DUSP29: variants seen among roughly 807,000 people sequenced by gnomAD.
DUSP29 encodes the protein atypical dual-specific protein phosphatase.
In DUSP29, 12 loss-of-function variants were observed where a neutral mutation model predicts 13.5. The ratio of observed to expected loss-of-function variants is 0.89; its 90% CI spans 0.57 to 1.44. The LOEUF is 1.44. Among genes scored for constraint, DUSP29 ranks in the 40% most tolerant of loss-of-function variants. DUSP29 has a pLI of 0.00. For synonymous variants in DUSP29, 134 were observed against 128.7 expected (o/e 1.04, Z -0.28); for missense variants, 308 against 301.1 (o/e 1.02, Z -0.17).
chr10:75,043,168 A>T (rs1846620689), intron 3 of DUSP29, among the ~76,000 whole-genome samples: 1 of 152,246 alleles, frequency 6.6e-6, no homozygotes, highest in Non-Finnish European at 1.5e-5. Flanking sequence ...AGTAAAGCCC[A>T]GCTTGTCAGC....
intron 1 of DUSP29, among the ~76,000 whole-genome samples, chr10:75,066,787 G>A (rs1348011331): frequency 6.6e-6 from 1 of 152,056 alleles, no homozygotes; most frequent in African/African-American, 2.4e-5. Context: ...TCAAGTGGGA[G>A]CCCCCCGAAG....
At chr10:75,054,367 T>C (rs138778640) in intron 2 of DUSP29, among the ~76,000 whole-genome samples, 112 of 152,348 alleles carry the variant, frequency 7.4e-4, no homozygotes, top group African/African-American at 2.6e-3. Flanking sequence ...ATAACTGATA[T>C]GCCCAACAAT....
chr10:75,038,029 A>G lies in DUSP29; in HGVS notation c.470T>C (p.Leu157Pro). The G allele has an allele frequency of 6.2e-7, 1 of 1,613,932 alleles. No homozygotes were observed. The highest frequency in any genetic ancestry group is 8.5e-7 in the Non-Finnish European group (1 of 1,180,014). ...CVMGRSRSAT[L>P]VLAYLMIHKD... The stretch of plus-strand genomic sequence containing the variant: ...GTGGATCATCAGGTAGGCCAGGACC[A>G]GGGTGGCTGACCGGCTGCGGCCCAT... The change falls in exon 4 of 4, where the codon CTG becomes CCG. Residue 157 changes from leucine to proline, a missense_variant. Physicochemically the swap from Leu to Pro is moderately conservative, Grantham distance 98. Transcript: ENST00000338487.
chr10:75,055,152 A>G (rs1272725242), intron 2 of DUSP29, among the ~76,000 whole-genome samples: 2 of 152,110 alleles, frequency 1.3e-5, no homozygotes, highest in Non-Finnish European at 2.9e-5. Context: ...TATTACTTTC[A>G]TTATAGGAAA....
chr10:75,071,876 A>G (rs1388213379), intron 1 of DUSP29, among the ~76,000 whole-genome samples: 1 of 152,234 alleles, frequency 6.6e-6, no homozygotes, highest in Non-Finnish European at 1.5e-5. Context: ...TGAGGAACAC[A>G]TAGGCAGAAG....
At chr10:75,038,364 C>A (rs997799689) in intron 3 of DUSP29, among the ~76,000 whole-genome samples, 2 of 152,146 alleles carry the variant, frequency 1.3e-5, no homozygotes, top group South Asian at 4.1e-4. Flanking sequence ...CCCCTGAGCA[C>A]CATGGCCAGA....
rs140837167 is a variant in DUSP29 at position 75,047,775 on chromosome 10, GAA to G, written c.201-3760_201-3759del. Reference sequence around the variant, plus strand: ...TAACACATGCTCAATGTAGAATGTAGAAAACATACTCCCCCCTCCAAAAAAAT... The same window carrying G: ...TAACACATGCTCAATGTAGAATGTAGAACATACTCCCCCCTCCAAAAAAAT... On this transcript the variant is annotated intron_variant, in intron 2 of 3. Transcript: ENST00000338487. Among the ~76,000 whole-genome samples, 130 of 152,238 alleles carry G rather than the reference GAA, an allele frequency of 8.5e-4. 1 individual carries two copies. In the East Asian group the frequency reaches 0.019, roughly 23 times the overall value.
intron 2 of DUSP29, among the ~76,000 whole-genome samples, 155 bp downstream of exon 2, chr10:75,058,160 G>A (rs903016711): frequency 2.0e-5 from 3 of 152,254 alleles, no homozygotes; most frequent in Non-Finnish European, 1.5e-5. Context: ...CTTTGTTTAG[G>A]TTTTCTGTAA....
intron 2 of DUSP29, among the ~76,000 whole-genome samples, chr10:75,055,265 G>GCACATATTT (rs1846933853): frequency 6.6e-6 from 1 of 151,412 alleles, no homozygotes; most frequent in Non-Finnish European, 1.5e-5. Context: ...AAGCATCGCT[G>GCACATATTT]CACATATTTT....
intron 1 of DUSP29, among the ~76,000 whole-genome samples, chr10:75,065,389 G>GAGTC (rs1847179501): frequency 6.6e-6 from 1 of 151,422 alleles, no homozygotes; most frequent in African/African-American, 2.4e-5. Flanking sequence ...TTTTGAGACA[G>GAGTC]AGTCTTGCTC....
At chr10:75,058,269 A>AG in intron 2 of DUSP29, 46 bp downstream of exon 2, 1 of 1,581,412 alleles carries the variant, frequency 6.3e-7, no homozygotes, top group Middle Eastern at 2.2e-4. Context: ...TGGCCTGGGG[A>AG]GGGGCTGCTG....
At chr10:75,070,353 A>C (rs564668726) in intron 1 of DUSP29, among the ~76,000 whole-genome samples, 2 of 152,304 alleles carry the variant, frequency 1.3e-5, no homozygotes, top group East Asian at 3.9e-4. Flanking sequence ...GGGCCTCTCA[A>C]TTCTGTATGC....
chr10:75,058,614 A>G, intron 1 of DUSP29, 66 bp from the exon 2 acceptor site: 1 of 1,328,630 alleles, frequency 7.5e-7, no homozygotes, highest in Non-Finnish European at 1.0e-6. Flanking sequence ...TAGGCTTTAC[A>G]AAAAGAGGTG....
chr10:75,065,542 T>C (rs1342008233), intron 1 of DUSP29, among the ~76,000 whole-genome samples: 1 of 152,156 alleles, frequency 6.6e-6, no homozygotes, highest in Non-Finnish European at 1.5e-5. Context: ...TTGGCCAGGC[T>C]GGTCTCAAAC....
At chr10:75,070,652 G>A (rs1847309818) in intron 1 of DUSP29, among the ~76,000 whole-genome samples, 1 of 152,098 alleles carries the variant, frequency 6.6e-6, no homozygotes, top group Admixed American at 6.5e-5. Context: ...AGAGTGGGTG[G>A]AGCAGTTTGG....
At chr10:75,051,916 A>T (rs1421697359) in intron 2 of DUSP29, among the ~76,000 whole-genome samples, 1 of 152,172 alleles carries the variant, frequency 6.6e-6, no homozygotes, top group Non-Finnish European at 1.5e-5. Context: ...AGTCTCATTA[A>T]CCTTGTTAAG....
intron 1 of DUSP29, among the ~76,000 whole-genome samples, chr10:75,071,064 C>G (rs1301142835): frequency 2.6e-5 from 4 of 152,186 alleles, no homozygotes; most frequent in Non-Finnish European, 5.9e-5. Context: ...GCCACCAGGC[C>G]TCTACCCCAA....
At chr10:75,067,677 G>C (rs553232689) in intron 1 of DUSP29, among the ~76,000 whole-genome samples, 3 of 152,288 alleles carry the variant, frequency 2.0e-5, no homozygotes, top group Admixed American at 6.5e-5. Flanking sequence ...AGCCAGGGAG[G>C]TCTCTGCCTT....
In DUSP29 at chr10:75,044,008, C is replaced by A. The variant is rs555916348; in HGVS notation, c.210G>T (p.Ala70=). 6.2e-7 allele frequency: 1 copy of A among 1,609,566 alleles called. No homozygotes were observed. The highest frequency in any genetic ancestry group is 1.7e-5 in the Admixed American group (1 of 59,970). ...CCTTCTGCAGCCTATAGCGGTCCAGCGCCGTCGCCCTGGGCGCAGGGGAGA... is the reference window on the plus strand; with the variant it reads ...CCTTCTGCAGCCTATAGCGGTCCAGAGCCGTCGCCCTGGGCGCAGGGGAGA... The part of the protein sequence containing the change: ...PKLYIGDEAT[A]LDRYRLQKAG... The change falls in exon 3 of 4, where the codon GCG becomes GCT. Residue 70 remains alanine (A), a synonymous_variant. Transcript: ENST00000338487.
Sources: allele counts gnomAD v4.1 joint callset (sites outside exome capture counted in the v4.1 genomes callset), GRCh38; gene constraint gnomAD v4.1.1; transcripts MANE v1.5; gene names NCBI Gene and HGNC (gene_info 2026-07-23, HGNC 2026-07-21).